The following KCNH8 variants were observed in gnomAD, a reference collection of about 807,000 sequenced individuals.
The protein encoded by KCNH8 is voltage-gated delayed rectifier potassium channel KCNH8.
A neutral mutation model predicts 103.6 loss-of-function variants in KCNH8; 70 were observed. That is an observed-to-expected ratio of 0.68 (90% CI 0.56 to 0.82). The LOEUF is 0.82. Among genes scored for constraint, KCNH8 ranks in the 40% least tolerant of loss-of-function variants. KCNH8 has a pLI of 0.00. For synonymous variants in KCNH8, 498 were observed against 489.4 expected (o/e 1.02, Z -0.23); for missense variants, 1,217 against 1,329.9 (o/e 0.92, Z 1.32).
At chr3:19,380,545 C>CT (rs762504895) in intron 5 of KCNH8, among the ~76,000 whole-genome samples, 7 of 152,322 alleles carry the variant, frequency 4.6e-5, no homozygotes, top group Admixed American at 2.0e-4. Context: ...GGTGATCAAA[C>CT]TACCACAGTG....
chr3:19,527,049 T>C (rs2069077614), intron 15 of KCNH8, among the ~76,000 whole-genome samples: 1 of 151,878 alleles, frequency 6.6e-6, no homozygotes, highest in Non-Finnish European at 1.5e-5. Context: ...ATCCCTACAT[T>C]TTGGCTCACA....
Position 19,533,299 on chromosome 3 carries a change from C to G in KCNH8, c.2620-96C>G, listed in dbSNP as rs1339696792. 8 of 725,112 alleles carry G rather than the reference C, an allele frequency of 1.1e-5. No individual in the cohort carries two copies. The African/African-American group carries it at 1.4e-4, about 13-fold the overall frequency. The allele number at this position is 725,112 out of a possible 1,614,324, so 44.9% of individuals were successfully genotyped here. A position where few individuals can be genotyped will look rare whatever the true frequency, so the allele number is the denominator to read the frequency against. ...ATAAATAAGTAGGAATAAAAGAAAA[C>G]CGAAAGAAATATCACTTCCCTGCTT... On this transcript the variant is annotated intron_variant, in intron 15 of 15. Transcript: ENST00000328405.
intron 2 of KCNH8, among the ~76,000 whole-genome samples, chr3:19,262,297 C>T (rs1559448681): frequency 6.6e-6 from 1 of 151,902 alleles, no homozygotes; most frequent in Admixed American, 6.6e-5. Context: ...TGTCGTATAG[C>T]TTTCAGTGTA....
Position 19,245,687 on chromosome 3 carries a change from T to C in KCNH8, c.77-7967T>C, listed in dbSNP as rs546448262. ...TTTAGTTAGTTGTATTCATGGGTATTTTATTTTCTTTGTGGCTATTGTAAA... is the reference window on the plus strand; with the variant it reads ...TTTAGTTAGTTGTATTCATGGGTATCTTATTTTCTTTGTGGCTATTGTAAA... On this transcript the variant is annotated intron_variant, in intron 1 of 15. Coordinates refer to ENST00000328405, the MANE Select transcript of KCNH8 (RefSeq NM_144633.3). Among the ~76,000 whole-genome samples the C allele has an allele frequency of 7.9e-5, 12 of 152,294 alleles. No individual in the cohort carries two copies. The East Asian group carries it at 1.5e-3, about 20-fold the overall frequency.
chr3:19,212,110 T>C (rs1228222183), intron 1 of KCNH8, among the ~76,000 whole-genome samples: 1 of 152,244 alleles, frequency 6.6e-6, no homozygotes, highest in African/African-American at 2.4e-5. Context: ...GATTACATTA[T>C]CACCTCTTTT....
chr3:19,534,441 G>A lies in KCNH8; in HGVS notation c.*342G>A, dbSNP rs1303822793. 10 of 271,596 alleles carry A rather than the reference G, an allele frequency of 3.7e-5. No individual in the cohort carries two copies. Among genetic ancestry groups the A allele is most frequent in the Admixed American group, 1.9e-4 (4 of 20,748 alleles). The allele number at this position is 271,596 out of a possible 1,614,324, so 16.8% of individuals were successfully genotyped here. A position where few individuals can be genotyped will look rare whatever the true frequency, so the allele number is the denominator to read the frequency against. On this transcript the variant is annotated 3_prime_UTR_variant, in exon 16 of 16. Transcript: ENST00000328405. ...GTCCCATGTGGCTTTTGTGAAGTAT[G>A]GCAAAGGTTTTTCATGAGTGCCTGA...
At chr3:19,388,218 T>C (rs2066386457) in intron 5 of KCNH8, among the ~76,000 whole-genome samples, 1 of 152,128 alleles carries the variant, frequency 6.6e-6, no homozygotes, top group Admixed American at 6.6e-5. Flanking sequence ...AAACCAAACA[T>C]CACTAATGAG....
chr3:19,237,609 A>C (rs1381084419), intron 1 of KCNH8, among the ~76,000 whole-genome samples: 1 of 152,212 alleles, frequency 6.6e-6, no homozygotes, highest in Non-Finnish European at 1.5e-5. Flanking sequence ...AACACAAATG[A>C]ATAATTAGGG....
chr3:19,370,206 T>A (rs1039205607), intron 5 of KCNH8, among the ~76,000 whole-genome samples: 1 of 152,038 alleles, frequency 6.6e-6, no homozygotes, highest in Non-Finnish European at 1.5e-5. Flanking sequence ...GGCATTCCCA[T>A]AACATTCATC....
intron 3 of KCNH8, among the ~76,000 whole-genome samples, chr3:19,295,499 T>C (rs1424179829): frequency 6.6e-6 from 1 of 152,186 alleles, no homozygotes; most frequent in Non-Finnish European, 1.5e-5. Flanking sequence ...CTTGATGATG[T>C]TCGCTATATC....
At chr3:19,408,945 T>C (rs1009206349) in intron 7 of KCNH8, among the ~76,000 whole-genome samples, 1 of 152,132 alleles carries the variant, frequency 6.6e-6, no homozygotes, top group Admixed American at 6.5e-5. Context: ...GAAAATATAT[T>C]TGAGGTAATC....
intron 4 of KCNH8, among the ~76,000 whole-genome samples, chr3:19,343,129 T>A (rs1408114069): frequency 6.6e-6 from 1 of 152,112 alleles, no homozygotes; most frequent in Admixed American, 6.6e-5. Flanking sequence ...AATGCTTTTA[T>A]CCAGGAGGAA....
rs746793212 is a variant in KCNH8 at position 19,533,764 on chromosome 3, C to A, written c.2989C>A (p.His997Asn). 4 of 1,614,152 alleles carry A rather than the reference C, an allele frequency of 2.5e-6. No homozygotes were observed. The highest frequency in any genetic ancestry group is 3.4e-6 in the Non-Finnish European group (4 of 1,179,984). Residue 997 changes from histidine (H) to asparagine (N), a missense_variant, in exon 16 of 16, where the codon CAC becomes AAC. By Grantham distance (68) the His-to-Asn change is moderately conservative. Transcript: ENST00000328405. ...HSPSLDYSPS[H>N]YQVVQEGHLQ... ...TCCAAGCCTTGATTATTCACCTTCC[C>A]ACTACCAGGTTGTCCAAGAAGGTCA... is the stretch of plus-strand genomic sequence containing the variant.
At chr3:19,269,507 TAC>T (rs1296906548) in intron 2 of KCNH8, among the ~76,000 whole-genome samples, 1 of 152,258 alleles carries the variant, frequency 6.6e-6, no homozygotes, top group Admixed American at 6.5e-5. Context: ...CTAAGATTGT[TAC>T]ACTCTGTATA....
chr3:19,260,271 A>G (rs1200210891), intron 2 of KCNH8, among the ~76,000 whole-genome samples: 1 of 151,172 alleles, frequency 6.6e-6, no homozygotes, highest in African/African-American at 2.4e-5. Context: ...TATTTGGGCA[A>G]CACGCTATGT....
chr3:19,199,841 T>C (rs1157021446), intron 1 of KCNH8, among the ~76,000 whole-genome samples: 1 of 151,990 alleles, frequency 6.6e-6, no homozygotes, highest in Non-Finnish European at 1.5e-5. Flanking sequence ...CTGTTTTAGT[T>C]TAAAAAGTGA....
At chr3:19,527,974 T>C (rs936584298) in intron 15 of KCNH8, among the ~76,000 whole-genome samples, 3 of 151,950 alleles carry the variant, frequency 2.0e-5, no homozygotes, top group African/African-American at 4.8e-5. Context: ...CTGGAAGAGA[T>C]AGAGAAATCT....
At chr3:19,505,357 C>T (rs1170148850) in intron 11 of KCNH8, among the ~76,000 whole-genome samples, 1 of 152,020 alleles carries the variant, frequency 6.6e-6, no homozygotes, top group African/African-American at 2.4e-5. Flanking sequence ...AGGTACTAGG[C>T]TTAGTACATG....
chr3:19,200,850 A>G (rs889644924), intron 1 of KCNH8, among the ~76,000 whole-genome samples: 1 of 152,052 alleles, frequency 6.6e-6, no homozygotes, highest in African/African-American at 2.4e-5. Context: ...TTAATTTTGA[A>G]TGTATTCTCA....
Sources: gnomAD v4.1 joint callset for allele counts (sites outside exome capture counted in the v4.1 genomes callset) on GRCh38, gnomAD v4.1.1 for gene constraint, MANE v1.5 for transcripts, NCBI Gene and HGNC (gene_info 2026-07-23, HGNC 2026-07-21) for gene names.